The following CETP variants were observed in gnomAD, a reference collection of about 807,000 sequenced individuals.
The protein encoded by CETP is BPI fold containing family F.
A neutral mutation model predicts 66.5 loss-of-function variants in CETP; 56 were observed. That is an observed-to-expected ratio of 0.84 (90% confidence interval 0.68 to 1.05). CETP has a LOEUF of 1.05. Ranked by LOEUF, CETP falls within the 50% of genes least tolerant of loss-of-function variation. The pLI is 0.00. For missense variants in CETP, 612 were observed against 609.6 expected (o/e 1.00, Z -0.04); for synonymous variants, 251 against 245.7 (o/e 1.02, Z -0.20).
At position 56,975,167 on chromosome 16, in the gene CETP, C is replaced by G. The variant is rs771897327; in HGVS notation, c.981+16C>G. 4 of 1,613,448 alleles carry G rather than the reference C, an allele frequency of 2.5e-6. No homozygotes were observed. Among genetic ancestry groups the G allele is most frequent in the Non-Finnish European group, 3.4e-6 (4 of 1,179,382 alleles). ...CTTCCAAGAGGTAACTGCCCCCTGC[C>G]CCTGTGTGGGGTTTATCTCACGTAC... is the stretch of plus-strand genomic sequence containing the variant. On this transcript the variant is annotated intron_variant, in intron 10 of 15. Coordinates refer to ENST00000200676, the MANE Select transcript of CETP (RefSeq NM_000078.3).
chr16:56,974,141 T>G (rs1282267236), intron 9 of CETP, among the ~76,000 whole-genome samples: 1 of 152,176 alleles, frequency 6.6e-6, no homozygotes, highest in Non-Finnish European at 1.5e-5. Flanking sequence ...GTTTCGCTTC[T>G]CTTTCTTTTT....
intron 3 of CETP, 32 bp from the exon 4 acceptor site, chr16:56,969,579 A>G (rs2056093508): frequency 1.2e-6 from 2 of 1,614,086 alleles, no homozygotes; most frequent in South Asian, 2.2e-5. Context: ...TGGAGGGCTG[A>G]ATGAGGGTCC....
intron 10 of CETP, among the ~76,000 whole-genome samples, chr16:56,976,472 T>A (rs1344378098): frequency 6.6e-6 from 1 of 151,792 alleles, no homozygotes; most frequent in Non-Finnish European, 1.5e-5. Context: ...TTTTCTTTTC[T>A]TTCTTTTTTT....
At chr16:56,972,365 T>G (rs1266450156) in intron 8 of CETP, among the ~76,000 whole-genome samples, 1 of 146,206 alleles carries the variant, frequency 6.8e-6, no homozygotes, top group African/African-American at 2.6e-5. Context: ...GCTTCTGTCA[T>G]CCTCTACAGC....
At chr16:56,966,784 T>TA (rs1567469940) in intron 2 of CETP, among the ~76,000 whole-genome samples, 1 of 148,342 alleles carries the variant, frequency 6.7e-6, no homozygotes, top group African/African-American at 2.5e-5. Context: ...TTTTTTTTTT[T>TA]ATGCATTTTT....
intron 13 of CETP, 79 bp downstream of exon 13, chr16:56,981,759 A>G: frequency 6.8e-7 from 1 of 1,467,328 alleles, no homozygotes; most frequent in Non-Finnish European, 9.5e-7. Context: ...GAGGGCCCTA[A>G]AGGAAATCAG....
intron 2 of CETP, among the ~76,000 whole-genome samples, chr16:56,967,224 A>G (rs1361601397): frequency 6.6e-6 from 1 of 151,670 alleles, no homozygotes. Flanking sequence ...GTGCATGCCC[A>G]TAATCTCAGC....
chr16:56,973,191 G>A (rs2056125179), intron 8 of CETP, 140 bp from the exon 9 acceptor site: 1 of 860,632 alleles, frequency 1.2e-6, no homozygotes, highest in Non-Finnish European at 1.9e-6. Flanking sequence ...CCCCGCTGGG[G>A]GAAACTGGGT....
chr16:56,969,052 C>T (rs978978410), intron 2 of CETP, among the ~76,000 whole-genome samples: 4 of 151,976 alleles, frequency 2.6e-5, no homozygotes, highest in African/African-American at 9.7e-5. Context: ...GGCGTTCTTC[C>T]CTGGTCACCT....
intron 2 of CETP, among the ~76,000 whole-genome samples, chr16:56,963,572 C>T (rs1379563411): frequency 6.6e-6 from 1 of 152,208 alleles, no homozygotes; most frequent in Non-Finnish European, 1.5e-5. Context: ...AAATTAGTAT[C>T]TTGACTTTAT....
intron 12 of CETP, among the ~76,000 whole-genome samples, 168 bp from the exon 13 acceptor site, chr16:56,981,479 C>T (rs533673954): frequency 1.4e-4 from 21 of 152,280 alleles, no homozygotes; most frequent in Admixed American, 5.2e-4. Flanking sequence ...AAGGCCTGGC[C>T]GCCAGAATAG....
chr16:56,962,805 C>G (rs2056033779), intron 1 of CETP, among the ~76,000 whole-genome samples: 1 of 152,112 alleles, frequency 6.6e-6, no homozygotes, highest in African/African-American at 2.4e-5. Flanking sequence ...GGATCTCTAG[C>G]TGGGGTCAGG....
At chr16:56,975,929 G>A (rs1034572349) in intron 10 of CETP, among the ~76,000 whole-genome samples, 14 of 152,124 alleles carry the variant, frequency 9.2e-5, no homozygotes, top group African/African-American at 3.1e-4. Context: ...CCACACCTGC[G>A]CCTTCCTGCG....
chr16:56,979,149 G>A (rs1182281421), intron 11 of CETP, among the ~76,000 whole-genome samples: 1 of 152,068 alleles, frequency 6.6e-6, no homozygotes, highest in African/African-American at 2.4e-5. Flanking sequence ...CTTAAGCTGA[G>A]CAGTGGACAA....
At chr16:56,968,240 T>C (rs9936680) in intron 2 of CETP, among the ~76,000 whole-genome samples, 14,999 of 151,980 alleles carry the variant, frequency 0.099, 862 homozygotes, top group African/African-American at 0.16. Context: ...GGCTGGAGTG[T>C]AATGGCGCGA....
chr16:56,969,467 C>T lies in CETP; in HGVS notation c.315C>T (p.Asn105=), dbSNP rs763194082. The change falls in exon 3 of 16, where the codon AAC becomes AAT. Residue 105 remains asparagine (N), a synonymous_variant. Transcript: ENST00000200676. The part of the protein sequence containing the change: ...EAKSIDVSIQ[N]VSVVFKGTLK... ...AGTCCATTGATGTCTCCATTCAGAA[C>T]GTGTCTGTGGTCTTCAAGGGGACCC... 44 of 1,614,086 alleles carry T rather than the reference C, an allele frequency of 2.7e-5. No individual in the cohort carries two copies. Among genetic ancestry groups the T allele is most frequent in the East Asian group, 6.7e-5 (3 of 44,900 alleles).
chr16:56,983,373 C>T lies in CETP; in HGVS notation c.1369C>T (p.Leu457Phe), dbSNP rs2056202263. Reference sequence around the variant, plus strand: ...CCTCATGAACAGCAAAGGCGTGAGCCTCTTCGACATCATCAACCCTGAGAT... The same window carrying T: ...CCTCATGAACAGCAAAGGCGTGAGCTTCTTCGACATCATCAACCCTGAGAT... ...TALMNSKGVS[L>F]FDIINPEIIT... Residue 457 changes from leucine to phenylalanine, a missense_variant, in exon 15 of 16, where the codon CTC (leucine) becomes TTC (phenylalanine). Leu to Phe is a conservative substitution (Grantham distance 22). Coordinates refer to ENST00000200676, the MANE Select transcript of CETP (RefSeq NM_000078.3). 1.9e-6 allele frequency: 3 copies of T among 1,614,134 alleles called. No individual in the cohort carries two copies. The highest frequency in any genetic ancestry group is 2.7e-5 in the African/African-American group (2 of 74,928).
At chr16:56,972,943 G>T (rs1293348369) in intron 8 of CETP, among the ~76,000 whole-genome samples, 1 of 152,146 alleles carries the variant, frequency 6.6e-6, no homozygotes, top group South Asian at 2.1e-4. Flanking sequence ...GCAGCAGCTT[G>T]TTTTCCTGAT....
chr16:56,983,540 GGCCTGGGAGTCA>G, intron 15 of CETP, 40 bp from the exon 16 acceptor site: 5 of 1,605,086 alleles, frequency 3.1e-6, no homozygotes, highest in Non-Finnish European at 3.4e-6. Flanking sequence ...CCCTCCTGGT[GGCCTGGGAGTCA>G]GCCCAGCTCG....
Sources: allele counts gnomAD v4.1 joint callset (sites outside exome capture counted in the v4.1 genomes callset), GRCh38; gene constraint gnomAD v4.1.1; transcripts MANE v1.5; gene names NCBI Gene and HGNC (gene_info 2026-07-23, HGNC 2026-07-21).